The following MAP3K9 variants were observed in gnomAD, a reference collection of about 807,000 sequenced individuals.
The protein encoded by MAP3K9 is mitogen-activated protein kinase kinase kinase 9.
A neutral mutation model predicts 95.8 loss-of-function variants in MAP3K9; 46 were observed. That is an observed-to-expected ratio of 0.48 (90% CI 0.38 to 0.61). MAP3K9 has a LOEUF of 0.61. MAP3K9 is among the 20% of genes least tolerant of loss of function. MAP3K9 has a pLI of 0.00. For synonymous variants in MAP3K9, 533 were observed against 593.8 expected (o/e 0.90, Z 1.49); for missense variants, 1,296 against 1,474.3 (o/e 0.88, Z 1.98).
chr14:70,766,428 T>C (rs919543798), intron 2 of MAP3K9, among the ~76,000 whole-genome samples: 101 of 152,164 alleles, frequency 6.6e-4, no homozygotes, highest in African/African-American at 2.3e-3. Context: ...ATGGAAACCA[T>C]AGGGTTCAGC....
At position 70,738,335 on chromosome 14, in the gene MAP3K9, T is replaced by G. The variant is rs1463462503; in HGVS notation, c.1754A>C (p.Glu585Ala). Residue 585 changes from glutamate (E) to alanine (A), a missense_variant, in exon 8 of 12, where the codon GAG (glutamate) becomes GCG (alanine). By Grantham distance (107) the Glu-to-Ala change is moderately radical. Coordinates refer to ENST00000554752, the MANE Select transcript of MAP3K9 (RefSeq NM_001284230.2). ...CTTTGGGGCCCTCTTCTCCTCCTCC[T>G]CCCCTTCCTCCTTTGGGACGACTGA... ...RSSVVPKEEG[E>A]EEEKRAPKKK... is the part of the protein sequence containing the mutation. 1 of 1,614,016 alleles carries G rather than the reference T, an allele frequency of 6.2e-7. No homozygotes were observed. Among genetic ancestry groups the G allele is most frequent in the South Asian group, 1.1e-5 (1 of 91,050 alleles).
At position 70,732,557 on chromosome 14, in the gene MAP3K9, T is replaced by C. The variant is rs779175250; in HGVS notation, c.2812A>G (p.Ser938Gly). 1 of 1,589,512 alleles carries C rather than the reference T, an allele frequency of 6.3e-7. No homozygotes were observed. Among genetic ancestry groups the C allele is most frequent in the South Asian group, 1.1e-5 (1 of 87,514 alleles). ...GACTCACCTGCTCCAGGACTGGGGC[T>C]CAACCCATTGCTGGAGGGGCTCCTG... is the stretch of plus-strand genomic sequence containing the variant. ...ASRSPSSNGL[S>G]PSPGAGMLKT... Residue 938 changes from serine to glycine, a missense_variant, in exon 11 of 12, where the codon AGC becomes GGC. Around this residue, in one of 5 missense-constraint regions of MAP3K9, gnomAD observed 433 missense variants for 441.4 expected, o/e 0.98. Coordinates refer to ENST00000554752, the MANE Select transcript of MAP3K9 (RefSeq NM_001284230.2).
intron 1 of MAP3K9, 23 bp from the exon 2 acceptor site, chr14:70,801,103 A>C: frequency 1.3e-6 from 2 of 1,587,898 alleles, no homozygotes; most frequent in East Asian, 2.3e-5. Flanking sequence ...AGAAAAAAAG[A>C]AGCAAGTCAA....
At chr14:70,747,687 C>A (rs2054166527) in intron 5 of MAP3K9, among the ~76,000 whole-genome samples, 1 of 152,090 alleles carries the variant, frequency 6.6e-6, no homozygotes. Context: ...ATGGCAGGAG[C>A]CATAGGACTC....
intron 2 of MAP3K9, among the ~76,000 whole-genome samples, chr14:70,790,619 TG>T (rs1350632803): frequency 6.6e-6 from 1 of 152,216 alleles, no homozygotes; most frequent in Non-Finnish European, 1.5e-5. Context: ...ATAAGAGCCC[TG>T]ACCTTTTCCC....
intron 1 of MAP3K9, among the ~76,000 whole-genome samples, chr14:70,806,919 A>T (rs1460803321): frequency 6.6e-6 from 1 of 152,250 alleles, no homozygotes; most frequent in Non-Finnish European, 1.5e-5. Context: ...GTTCATTTTC[A>T]ACACTTTCAA....
chr14:70,743,272 G>A (rs1474323528), intron 5 of MAP3K9, among the ~76,000 whole-genome samples: 4 of 152,228 alleles, frequency 2.6e-5, no homozygotes, highest in African/African-American at 7.2e-5. Context: ...ACAGGCGTGA[G>A]TCACTGCGAC....
Position 70,758,209 on chromosome 14 carries a change from T to C in MAP3K9, c.1001+2793A>G, listed in dbSNP as rs146365157. Reference sequence around the variant, plus strand: ...AATAAAAAGACAAATACTCTAATTTTTAAATTGGCAAAGGATTTGAATAGA... The same window carrying C: ...AATAAAAAGACAAATACTCTAATTTCTAAATTGGCAAAGGATTTGAATAGA... On this transcript the variant is annotated intron_variant, in intron 3 of 11. Coordinates refer to ENST00000554752, the MANE Select transcript of MAP3K9 (RefSeq NM_001284230.2). 4.6e-3 allele frequency among the ~76,000 whole-genome samples: 700 copies of C among 152,324 alleles called. 2 individuals carry two copies. Among genetic ancestry groups the C allele is most frequent in the Non-Finnish European group, 8.2e-3 (556 of 68,026 alleles).
chr14:70,789,205 G>A (rs1332346957), intron 2 of MAP3K9, among the ~76,000 whole-genome samples: 2 of 152,140 alleles, frequency 1.3e-5, no homozygotes, highest in Non-Finnish European at 2.9e-5. Context: ...TTCCACAAGA[G>A]GCTTTTGCAC....
intron 2 of MAP3K9, among the ~76,000 whole-genome samples, chr14:70,774,382 C>A (rs976589941): frequency 2.0e-5 from 3 of 152,164 alleles, no homozygotes; most frequent in African/African-American, 7.2e-5. Flanking sequence ...TATTTTATAT[C>A]AGGCTGGGCG....
At chr14:70,761,257 T>G (rs1346036085) in intron 2 of MAP3K9, 75 bp from the exon 3 acceptor site, 1 of 1,281,060 alleles carries the variant, frequency 7.8e-7, no homozygotes, top group Admixed American at 2.1e-5. Flanking sequence ...AGAACTCTTC[T>G]GCCATCCTCC....
chr14:70,790,110 C>A (rs2054790935), intron 2 of MAP3K9, among the ~76,000 whole-genome samples: 1 of 152,174 alleles, frequency 6.6e-6, no homozygotes, highest in South Asian at 2.1e-4. Context: ...TTGTGAATCT[C>A]CAGGATGGTT....
At chr14:70,765,732 A>C (rs1305496764) in intron 2 of MAP3K9, among the ~76,000 whole-genome samples, 1 of 102,990 alleles carries the variant, frequency 9.7e-6, no homozygotes. Flanking sequence ...CACCAACAAC[A>C]GCTAAAAAAA....
intron 2 of MAP3K9, among the ~76,000 whole-genome samples, chr14:70,766,527 T>C (rs143202201): frequency 1.3e-5 from 2 of 152,348 alleles, no homozygotes; most frequent in African/African-American, 4.8e-5. Flanking sequence ...ATGGAATGCT[T>C]GATTAATAAT....
At chr14:70,773,423 G>C (rs1275043944) in intron 2 of MAP3K9, among the ~76,000 whole-genome samples, 2 of 152,212 alleles carry the variant, frequency 1.3e-5, no homozygotes, top group Non-Finnish European at 2.9e-5. Context: ...ATTAATGATA[G>C]GAAAAGAGCC....
At position 70,723,772 on chromosome 14, in the gene MAP3K9, AC is replaced by A. The variant is rs2053783437; in HGVS notation, c.*6607del. The A allele has an allele frequency of 6.6e-6, 1 of 152,116 alleles. No individual in the cohort carries two copies. The highest frequency in any genetic ancestry group is 1.5e-5 in the Non-Finnish European group (1 of 68,032). The allele number at this position is 152,116 out of a possible 1,614,324, so 9.4% of individuals were successfully genotyped here. A position where few individuals can be genotyped will look rare whatever the true frequency, so the allele number is the denominator to read the frequency against. On this transcript the variant is annotated 3_prime_UTR_variant, in exon 12 of 12. Transcript: ENST00000554752. ...TATATATATGAATCACTAGGACAGC[AC>A]CGCCCCCCACGTGGAAAAAAATTAA...
At chr14:70,796,142 T>TC (rs11454371) in intron 2 of MAP3K9, among the ~76,000 whole-genome samples, 54,667 of 152,020 alleles carry the variant, frequency 0.36, 10,308 homozygotes, top group African/African-American at 0.44. Flanking sequence ...AATCCTGAAG[T>TC]CATCTACCTG....
intron 3 of MAP3K9, among the ~76,000 whole-genome samples, chr14:70,753,670 C>T (rs902091678): frequency 6.6e-6 from 1 of 152,138 alleles, no homozygotes; most frequent in Non-Finnish European, 1.5e-5. Context: ...AGTACCTCCC[C>T]GCAACACAGA....
At chr14:70,760,932 C>T (rs1282868283) in intron 3 of MAP3K9, 70 bp downstream of exon 3, 56 of 1,539,662 alleles carry the variant, frequency 3.6e-5, no homozygotes, top group Non-Finnish European at 4.8e-5. Flanking sequence ...CCTCAATTCT[C>T]CAAGTCTTGA....
Sources: gnomAD v4.1 joint callset for allele counts (sites outside exome capture counted in the v4.1 genomes callset) on GRCh38, gnomAD v4.1.1 for gene constraint, gnomAD v4.1.1 regional missense constraint, MANE v1.5 for transcripts, NCBI Gene and HGNC (gene_info 2026-07-23, HGNC 2026-07-21) for gene names.